Variants in LMF1 observed in about 807,000 individuals in gnomAD.
The protein encoded by LMF1 is lipase maturation factor 1, also known as transmembrane protein 112.
LMF1 carries 68 observed loss-of-function variants against 60.6 expected under a neutral mutation model. The ratio of observed to expected loss-of-function variants is 1.12; its 90% CI spans 0.92 to 1.37. LMF1 has a LOEUF of 1.37. Among genes scored for constraint, LMF1 ranks in the 40% most tolerant of loss-of-function variants. The pLI is 0.00. For synonymous variants in LMF1, 418 were observed against 324.7 expected (o/e 1.29, Z -3.09); for missense variants, 948 against 767.2 (o/e 1.24, Z -2.78).
Position 959,344 on chromosome 16 carries a change from C to T in LMF1, c.194-4678G>A, listed in dbSNP as rs553134090. ...AGGCTATATACTGCGTGATTTCATT[C>T]GTATGTCACACTGGAAAAGGCAAAA... On this transcript the variant is annotated intron_variant, in intron 1 of 10. Transcript: ENST00000262301. 2.0e-5 allele frequency among the ~76,000 whole-genome samples: 3 copies of T among 152,274 alleles called. No individual in the cohort carries two copies. The East Asian group carries it at 5.8e-4, about 29-fold the overall frequency.
intron 1 of LMF1, among the ~76,000 whole-genome samples, chr16:956,844 CAA>C (rs34529324): frequency 0.44 from 52,273 of 119,048 alleles, 12,150 homozygotes; most frequent in African/African-American, 0.69. Flanking sequence ...AACTCCATCT[CAA>C]AAAAAAAAAA....
chr16:979,885 CGCCCCAGGCGAT>C (rs1197687080), intron 1 of LMF1: 16 of 397,894 alleles, frequency 4.0e-5, no homozygotes, highest in Non-Finnish European at 7.7e-5. Flanking sequence ...GTTCCGCGGG[CGCCCCAGGCGAT>C]GCTCTGAGGG....
intron 3 of LMF1, chr16:921,080 A>T (rs528454369): frequency 2.4e-4 from 36 of 152,396 alleles, no homozygotes; most frequent in African/African-American, 8.4e-4. Context: ...CAGGGCGAGG[A>T]CAGGACAGAA....
upstream of LMF1, chr16:981,347 AGTGT>A (rs752216162): frequency 0.054 from 5,181 of 95,518 alleles, 172 homozygotes; most frequent in Non-Finnish European, 0.068. Flanking sequence ...AGAGAGAGAG[AGTGT>A]GTGTGTGTGT....
At chr16:870,707 G>A (rs983787358) in intron 8 of LMF1, 22 bp downstream of exon 8, 2 of 1,611,910 alleles carry the variant, frequency 1.2e-6, no homozygotes, top group Non-Finnish European at 1.7e-6. Context: ...AGCTCCGGGG[G>A]ACGGGGACCC....
chr16:957,719 TATTG>T (rs1352886040), intron 1 of LMF1, among the ~76,000 whole-genome samples: 10 of 152,152 alleles, frequency 6.6e-5, no homozygotes, highest in African/African-American at 2.4e-4. Flanking sequence ...GACAGCGCAG[TATTG>T]ATTAAGGAAG....
At chr16:885,724 G>T (rs2070288049) in intron 5 of LMF1, among the ~76,000 whole-genome samples, 1 of 152,178 alleles carries the variant, frequency 6.6e-6, no homozygotes, top group Non-Finnish European at 1.5e-5. Context: ...CAAAAGACAT[G>T]AAGCAAAAAC....
rs61528919 is a variant in LMF1 at position 954,909 on chromosome 16, T to C, written c.194-243A>G. 0.38 allele frequency among the ~76,000 whole-genome samples: 39,596 copies of C among 103,950 alleles called. 9,670 individuals carry two copies. The highest frequency in any genetic ancestry group is 0.67 in the African/African-American group (16,614 of 24,860). The allele number at this position is 103,950 out of a possible 152,430, so 68.2% of individuals were successfully genotyped here. A position where few individuals can be genotyped will look rare whatever the true frequency, so the allele number is the denominator to read the frequency against. ...TACACGCATACACATCTAAGTGAACTAGACACGTTACATAAAATGCGTGCC... is the reference window on the plus strand; with the variant it reads ...TACACGCATACACATCTAAGTGAACCAGACACGTTACATAAAATGCGTGCC... On this transcript the variant is annotated intron_variant, in intron 1 of 10. Coordinates refer to ENST00000262301, the MANE Select transcript of LMF1 (RefSeq NM_022773.4).
At chr16:873,906 A>G (rs921887591) in intron 6 of LMF1, 3 of 152,386 alleles carry the variant, frequency 2.0e-5, no homozygotes, top group Non-Finnish European at 4.4e-5. Flanking sequence ...GTGCCCCGAA[A>G]GGGACAGACC....
At chr16:954,285 C>T (rs2072608785) in intron 2 of LMF1, 72 bp downstream of exon 2, 1 of 1,441,738 alleles carries the variant, frequency 6.9e-7, no homozygotes. Flanking sequence ...TTCCAAGTGC[C>T]AGGACACCTG....
intron 5 of LMF1, chr16:887,034 A>C (rs1267229923): frequency 6.9e-6 from 1 of 143,894 alleles, no homozygotes; most frequent in Non-Finnish European, 1.6e-5. Context: ...TGGTTCCCCT[A>C]ATGGTGACAT....
At position 962,773 on chromosome 16, in the gene LMF1, G is replaced by A. The variant is rs1246585899; in HGVS notation, c.193+8015C>T. Among the ~76,000 whole-genome samples the A allele has an allele frequency of 1.3e-5, 2 of 152,178 alleles. No individual in the cohort carries two copies. Among genetic ancestry groups the A allele is most frequent in the South Asian group, 2.1e-4 (1 of 4,816 alleles). ...CCGGGTCCCAGAACGGAACAGGCAC[G>A]GGTGGAAAAGCCATAGAGTCTGCAG... On this transcript the variant is annotated intron_variant, in intron 1 of 10. Coordinates refer to ENST00000262301, the MANE Select transcript of LMF1 (RefSeq NM_022773.4). The surrounding 1 kb of genome is among the most constrained non-coding windows in gnomAD (Gnocchi z 4.5).
At chr16:939,523 A>C (rs2072037648) in intron 2 of LMF1, among the ~76,000 whole-genome samples, 1 of 152,250 alleles carries the variant, frequency 6.6e-6, no homozygotes, top group African/African-American at 2.4e-5. Flanking sequence ...CGAGCAGCGG[A>C]GGTCCAGACG....
intron 1 of LMF1, chr16:976,540 T>A: frequency 2.2e-6 from 1 of 453,996 alleles, no homozygotes; most frequent in Non-Finnish European, 4.4e-6. Flanking sequence ...CCTGGCTGCT[T>A]GGGGCCCCAG....
chr16:971,191 A>G (rs1204173493), upstream of LMF1, among the ~76,000 whole-genome samples: 1 of 151,822 alleles, frequency 6.6e-6, no homozygotes, highest in African/African-American at 2.4e-5. Context: ...CCTCCTTCGC[A>G]GTTCTCGCTG....
At chr16:971,137 C>A (rs1191108118), upstream of LMF1, 1 of 704,506 alleles carries the variant, frequency 1.4e-6, no homozygotes, top group Non-Finnish European at 2.0e-6. Flanking sequence ...ACCGCCCCCT[C>A]CAGCCGGCCC....
rs151095894 is a variant in LMF1 at position 858,480 on chromosome 16, A to T, written c.1530-3774T>A. Among the ~76,000 whole-genome samples the T allele has an allele frequency of 9.8e-3, 67 of 6,844 alleles. 14 individuals are homozygous for T. The highest frequency in any genetic ancestry group is 0.07 in the African/African-American group (22 of 316). The allele number at this position is 6,844 out of a possible 152,430, so 4.5% of individuals were successfully genotyped here. A position where few individuals can be genotyped will look rare whatever the true frequency, so the allele number is the denominator to read the frequency against. ...GACTCGGGACGGGTGTGCAGTGGTG[A>T]CTCGGGACGGGTGTGCGTGGTGTCT... is the stretch of plus-strand genomic sequence containing the variant. On this transcript the variant is annotated intron_variant, in intron 10 of 10. Coordinates refer to ENST00000262301, the MANE Select transcript of LMF1 (RefSeq NM_022773.4).
intron 2 of LMF1, chr16:952,611 T>A (rs1024873847): frequency 3.9e-5 from 6 of 153,712 alleles, no homozygotes; most frequent in Non-Finnish European, 8.7e-5. Context: ...AGGGTCCTGG[T>A]TCCGACCACT....
chr16:933,490 C>G, intron 3 of LMF1: 1 of 161,926 alleles, frequency 6.2e-6, no homozygotes, highest in East Asian at 1.8e-4. Context: ...CAGGCCACCC[C>G]TGCTCTCCTG....
Sources: allele counts gnomAD v4.1 joint callset (sites outside exome capture counted in the v4.1 genomes callset), GRCh38; gene constraint gnomAD v4.1.1; non-coding constraint Gnocchi (gnomAD v3.1); transcripts MANE v1.5; gene names NCBI Gene and HGNC (gene_info 2026-07-23, HGNC 2026-07-21).